Variants in MARCHF1 observed in about 807,000 individuals in gnomAD.
MARCHF1 encodes the protein membrane associated ring-CH-type finger 1, also known as E3 ubiquitin-protein ligase MARCHF1.
Under a neutral mutation model 54.2 loss-of-function variants are expected in MARCHF1, and 40 were observed. The ratio of observed to expected loss-of-function variants is 0.74; its 90% CI spans 0.57 to 0.96. The LOEUF is 0.96. Ranked by LOEUF, MARCHF1 falls within the 40% of genes least tolerant of loss-of-function variation. The pLI, the probability that MARCHF1 is intolerant of heterozygous loss-of-function variation, is 0.00. For synonymous variants in MARCHF1, 236 were observed against 236.3 expected, an observed-to-expected ratio of 1.00 and a Z score of 0.01; for missense variants, 586 against 656.5, an observed-to-expected ratio of 0.89 and a Z score of 1.17.
chr4:164,136,118 T>C (rs1756396259), intron 1 of MARCHF1, among the ~76,000 whole-genome samples: 2 of 151,818 alleles, frequency 1.3e-5, no homozygotes, highest in African/African-American at 2.4e-5. Flanking sequence ...AGTTTAAATA[T>C]ATCCTCACTG....
Position 163,943,828 on chromosome 4 carries a change from C to T in MARCHF1, c.-39+44673G>A, listed in dbSNP as rs1258565381. 5.3e-5 allele frequency among the ~76,000 whole-genome samples: 8 copies of T among 151,136 alleles called. No homozygotes were observed. The East Asian group carries it at 1.6e-3, about 29-fold the overall frequency. ...GCCTTCCACGGAATTTAAACCAGGGCTTAAGGTGGCTACAAACAAGATTCA... is the reference window on the plus strand; with the variant it reads ...GCCTTCCACGGAATTTAAACCAGGGTTTAAGGTGGCTACAAACAAGATTCA... On this transcript the variant is annotated intron_variant, in intron 3 of 9. Transcript: ENST00000514618.
intron 3 of MARCHF1, among the ~76,000 whole-genome samples, chr4:163,959,202 C>T (rs1044548338): frequency 2.6e-5 from 4 of 151,764 alleles, no homozygotes; most frequent in South Asian, 4.2e-4. Context: ...GTGTTTTAAG[C>T]GACTAAAATT....
chr4:164,199,617 CAG>C (rs1262073143), intron 1 of MARCHF1, among the ~76,000 whole-genome samples: 1 of 138,042 alleles, frequency 7.2e-6, no homozygotes, highest in African/African-American at 2.6e-5. Context: ...GCCTGGGTGA[CAG>C]AGCAGGACTC....
chr4:164,162,296 T>TTACA (rs1197045209), intron 1 of MARCHF1, among the ~76,000 whole-genome samples: 1 of 152,010 alleles, frequency 6.6e-6, no homozygotes, highest in Non-Finnish European at 1.5e-5. Context: ...CTGGAAGATA[T>TTACA]TACATAGAAT....
At chr4:163,844,299 GT>G (rs1210271033) in intron 4 of MARCHF1, among the ~76,000 whole-genome samples, 1 of 152,060 alleles carries the variant, frequency 6.6e-6, no homozygotes, top group Non-Finnish European at 1.5e-5. Context: ...TGTGAATTAA[GT>G]TTTTTATAGA....
At chr4:163,730,817 G>T (rs1745802942) in intron 4 of MARCHF1, among the ~76,000 whole-genome samples, 1 of 151,952 alleles carries the variant, frequency 6.6e-6, no homozygotes. Context: ...TACTAATTGT[G>T]GTTCAGTGAG....
chr4:163,682,453 G>C (rs1744134998), intron 5 of MARCHF1, among the ~76,000 whole-genome samples: 1 of 152,184 alleles, frequency 6.6e-6, no homozygotes. Flanking sequence ...CCCATCACAG[G>C]CCTAGAGGCC....
At chr4:163,926,572 T>C (rs1751543065) in intron 3 of MARCHF1, among the ~76,000 whole-genome samples, 1 of 151,564 alleles carries the variant, frequency 6.6e-6, no homozygotes, top group Non-Finnish European at 1.5e-5. Context: ...TCCAAAATGG[T>C]TTTATCAATT....
chr4:163,572,227 T>G (rs1308345818), intron 8 of MARCHF1, among the ~76,000 whole-genome samples: 1 of 152,062 alleles, frequency 6.6e-6, no homozygotes, highest in Non-Finnish European at 1.5e-5. Flanking sequence ...CTTCATCACT[T>G]AAGCTACTGT....
At chr4:163,984,818 A>G (rs1396035895) in intron 3 of MARCHF1, among the ~76,000 whole-genome samples, 1 of 152,208 alleles carries the variant, frequency 6.6e-6, no homozygotes, top group Non-Finnish European at 1.5e-5. Flanking sequence ...TAATAGAAGC[A>G]AATGGTCTAT....
At chr4:163,614,235 A>G (rs1242209930) in intron 5 of MARCHF1, among the ~76,000 whole-genome samples, 1 of 152,154 alleles carries the variant, frequency 6.6e-6, no homozygotes, top group Non-Finnish European at 1.5e-5. Flanking sequence ...AATAATAACT[A>G]ACAGTTTTGA....
chr4:163,727,261 A>G (rs1438092099), intron 4 of MARCHF1, among the ~76,000 whole-genome samples: 1 of 151,716 alleles, frequency 6.6e-6, no homozygotes, highest in Non-Finnish European at 1.5e-5. Context: ...TCCATTTTGA[A>G]TAAATTTTCA....
rs528789513 is a variant in MARCHF1, at chr4:164,100,867, G to C, written c.-248+10721C>G. Among the ~76,000 whole-genome samples, 30 of 152,298 alleles carry C rather than the reference G, an allele frequency of 2.0e-4. No homozygotes were observed. In the South Asian group the frequency reaches 5.8e-3, roughly 29 times the overall value. On this transcript the variant is annotated intron_variant, in intron 2 of 9. Transcript: ENST00000514618. ...CTGAGGTACCGGGTTCATCTCACTAGGGAGTGCCAGACAGTGGGCGCAGGT... is the reference window on the plus strand; with the variant it reads ...CTGAGGTACCGGGTTCATCTCACTACGGAGTGCCAGACAGTGGGCGCAGGT...
At chr4:164,153,998 T>C (rs1002519896) in intron 1 of MARCHF1, among the ~76,000 whole-genome samples, 10 of 152,202 alleles carry the variant, frequency 6.6e-5, no homozygotes, top group African/African-American at 1.9e-4. Flanking sequence ...TTCTATATTG[T>C]CTTTTCTGCC....
intron 1 of MARCHF1, among the ~76,000 whole-genome samples, chr4:164,344,674 C>A (rs2061183342): frequency 6.6e-6 from 1 of 152,124 alleles, no homozygotes; most frequent in Non-Finnish European, 1.5e-5. Context: ...GACTAGCATT[C>A]AGAAATTAAT....
At chr4:163,941,762 GAGT>G (rs1751917444) in intron 3 of MARCHF1, among the ~76,000 whole-genome samples, 1 of 152,156 alleles carries the variant, frequency 6.6e-6, no homozygotes, top group Non-Finnish European at 1.5e-5. Flanking sequence ...TTATATCACA[GAGT>G]TGTTGCAGTG....
At chr4:163,850,009 G>T (rs1287743581) in intron 4 of MARCHF1, among the ~76,000 whole-genome samples, 1 of 152,074 alleles carries the variant, frequency 6.6e-6, no homozygotes, top group Non-Finnish European at 1.5e-5. Flanking sequence ...TAACTTTTTG[G>T]TTGGGTTCTG....
intron 2 of MARCHF1, among the ~76,000 whole-genome samples, chr4:164,030,865 T>G (rs1200981253): frequency 1.3e-5 from 2 of 152,188 alleles, no homozygotes; most frequent in African/African-American, 4.8e-5. Context: ...CAGGAGTTCA[T>G]GATTTGGCTC....
intron 5 of MARCHF1, among the ~76,000 whole-genome samples, chr4:163,647,115 A>G (rs572826703): frequency 6.6e-6 from 1 of 152,210 alleles, no homozygotes; most frequent in Non-Finnish European, 1.5e-5. Context: ...AGCTTTACTT[A>G]TATCAGAAAA....
Sources: gnomAD v4.1 joint callset for allele counts (sites outside exome capture counted in the v4.1 genomes callset) on GRCh38, gnomAD v4.1.1 for gene constraint, MANE v1.5 for transcripts, NCBI Gene and HGNC (gene_info 2026-07-23, HGNC 2026-07-21) for gene names.